DYDC2: variants seen among roughly 807,000 people sequenced by gnomAD.
DYDC2 encodes the protein DPY30 domain-containing protein 2.
In DYDC2, 19 loss-of-function variants were observed where a neutral mutation model predicts 18.7. That is an observed-to-expected ratio of 1.02 (90% CI 0.71 to 1.49). The LOEUF (loss-of-function observed/expected upper bound fraction) is 1.49. DYDC2 is among the 40% of genes most tolerant of loss of function. The pLI is 0.00. For synonymous variants in DYDC2, 63 were observed against 67.6 expected (o/e 0.93, Z 0.34); for missense variants, 179 against 205.1 (o/e 0.87, Z 0.78).
At chr10:80,347,899 T>A (rs1842765291) in intron 1 of DYDC2, among the ~76,000 whole-genome samples, 1 of 152,230 alleles carries the variant, frequency 6.6e-6, no homozygotes. Context: ...TAGTTCCAAC[T>A]TCGTTTTTCT....
In DYDC2 at chr10:80,359,398, C is replaced by T. The variant is rs553358360; in HGVS notation, c.-10+1353C>T. 3.3e-5 allele frequency among the ~76,000 whole-genome samples: 5 copies of T among 152,330 alleles called. No homozygotes were observed. In the South Asian group the frequency reaches 1.0e-3, roughly 32 times the overall value. ...CCCTTAGCTAGACATAAAGATTCTCCAAGTCTCCACTAGACTCAGGAGCCC... is the reference window on the plus strand; with the variant it reads ...CCCTTAGCTAGACATAAAGATTCTCTAAGTCTCCACTAGACTCAGGAGCCC... On this transcript the variant is annotated intron_variant, in intron 2 of 4. Coordinates refer to ENST00000256039, the MANE Select transcript of DYDC2 (RefSeq NM_032372.6).
In DYDC2 at chr10:80,358,153, G is replaced by A. The variant is rs570009950; in HGVS notation, c.-10+108G>A. On this transcript the variant is annotated intron_variant, in intron 2 of 4. Transcript: ENST00000256039. ...AGCACTTTGGGAGGCGGAGGTGGGC[G>A]GATCACCTGAGGTGAGGAATTCAAA... 82 of 769,204 alleles carry A rather than the reference G, an allele frequency of 1.1e-4. 1 individual carries two copies. The South Asian group carries it at 1.4e-3, about 13-fold the overall frequency. The allele number at this position is 769,204 out of a possible 1,614,324, so 47.6% of individuals were successfully genotyped here.
upstream of DYDC2, chr10:80,352,678 A>G: frequency 1.3e-6 from 2 of 1,503,204 alleles, no homozygotes; most frequent in Non-Finnish European, 1.8e-6. Context: ...ACTAAAGTCC[A>G]GTGAGGTGAA....
At chr10:80,351,884 T>G, upstream of DYDC2, 1 of 1,612,924 alleles carries the variant, frequency 6.2e-7, no homozygotes, top group Non-Finnish European at 8.5e-7. Flanking sequence ...CCCTCTGAAC[T>G]CTCCTACTTG....
intron 4 of DYDC2, among the ~76,000 whole-genome samples, chr10:80,363,876 G>A (rs1341761652): frequency 6.6e-6 from 1 of 152,152 alleles, no homozygotes; most frequent in African/African-American, 2.4e-5. Context: ...AATATTAGAT[G>A]TAAGTTATTA....
intron 2 of DYDC2, among the ~76,000 whole-genome samples, chr10:80,359,039 G>C (rs1431801751): frequency 2.0e-5 from 3 of 152,208 alleles, no homozygotes; most frequent in Non-Finnish European, 4.4e-5. Flanking sequence ...CTTCCAGTGT[G>C]GAAGGGAACC....
intron 2 of DYDC2, among the ~76,000 whole-genome samples, chr10:80,361,916 T>C (rs1236520889): frequency 2.0e-5 from 3 of 152,216 alleles, no homozygotes; most frequent in Admixed American, 6.5e-5. Flanking sequence ...TCCTCTTAAG[T>C]GATGAAGGCT....
chr10:80,351,339 T>A, intron 1 of DYDC2, among the ~76,000 whole-genome samples: 1 of 151,766 alleles, frequency 6.6e-6, no homozygotes, highest in African/African-American at 2.4e-5. Flanking sequence ...ACCCTACGAA[T>A]CATCCACTCT....
upstream of DYDC2, chr10:80,356,233 A>G (rs1220105588): frequency 2.0e-6 from 2 of 983,672 alleles, no homozygotes; most frequent in Admixed American, 6.1e-5. Context: ...TGTGGTAAGC[A>G]ATGTTATTTT....
At chr10:80,356,174 T>A (rs1356188854), upstream of DYDC2, 13 of 905,350 alleles carry the variant, frequency 1.4e-5, no homozygotes, top group Non-Finnish European at 1.7e-5. Flanking sequence ...GCCTGCCAAC[T>A]CCCTTAGCAT....
intron 1 of DYDC2, among the ~76,000 whole-genome samples, chr10:80,345,000 T>C (rs1842525435): frequency 6.6e-6 from 1 of 152,128 alleles, no homozygotes; most frequent in Non-Finnish European, 1.5e-5. Flanking sequence ...CTGACAGTGA[T>C]AAAAATACAT....
intron 2 of DYDC2, among the ~76,000 whole-genome samples, chr10:80,359,904 C>T (rs929042151): frequency 9.2e-5 from 14 of 152,200 alleles, no homozygotes; most frequent in Admixed American, 6.5e-4. Flanking sequence ...GAGCCGGCTC[C>T]GGCCTTGGCC....
chr10:80,354,486 CA>C (rs1012219418), upstream of DYDC2: 5,584 of 69,290 alleles, frequency 0.081, 76 homozygotes, highest in African/African-American at 0.14. Flanking sequence ...AACTTCGTCT[CA>C]AAAAAAAAAA....
At chr10:80,352,555 T>C, upstream of DYDC2, 1 of 1,613,490 alleles carries the variant, frequency 6.2e-7, no homozygotes, top group South Asian at 1.1e-5. Context: ...TGCAAGACCT[T>C]GAGTTAAACA....
upstream of DYDC2, chr10:80,352,126 G>A: frequency 1.2e-6 from 1 of 853,876 alleles, no homozygotes; most frequent in Non-Finnish European, 1.8e-6. Flanking sequence ...GCCCATCCCT[G>A]TGGAAATGAT....
upstream of DYDC2, chr10:80,356,543 A>G: frequency 3.0e-6 from 3 of 985,448 alleles, no homozygotes; most frequent in Non-Finnish European, 3.6e-6. Context: ...GAGCAGGAGG[A>G]CAGCTGGCCG....
upstream of DYDC2, chr10:80,352,801 C>G (rs1206099452): frequency 7.4e-6 from 4 of 543,452 alleles, no homozygotes; most frequent in Non-Finnish European, 1.1e-5. Context: ...CCAAGGAAGT[C>G]ACTACAACTA....
chr10:80,345,462 C>G (rs2075531362), intron 1 of DYDC2, among the ~76,000 whole-genome samples: 1 of 152,078 alleles, frequency 6.6e-6, no homozygotes, highest in African/African-American at 2.4e-5. Flanking sequence ...AAAAATTTTC[C>G]AGTACACAAT....
chr10:80,359,024 C>G (rs1269537172), intron 2 of DYDC2, among the ~76,000 whole-genome samples: 1 of 152,172 alleles, frequency 6.6e-6, no homozygotes, highest in Non-Finnish European at 1.5e-5. Context: ...AGCAAAAGAA[C>G]AAAGCTTCCA....
Sources: allele counts gnomAD v4.1 joint callset (sites outside exome capture counted in the v4.1 genomes callset), GRCh38; gene constraint gnomAD v4.1.1; transcripts MANE v1.5; gene names NCBI Gene and HGNC (gene_info 2026-07-23, HGNC 2026-07-21).